Variants in HIKESHI observed in about 807,000 individuals in gnomAD.
HIKESHI encodes the protein protein Hikeshi.
HIKESHI carries 13 observed loss-of-function variants against 25.7 expected under a neutral mutation model. The observed-to-expected ratio is 0.51, with a 90% CI of 0.33 to 0.80. The LOEUF (loss-of-function observed/expected upper bound fraction) is 0.80, where lower values mean the gene tolerates loss of function less well. HIKESHI is among the 30% of genes least tolerant of loss of function. HIKESHI has a pLI of 0.02. For missense variants in HIKESHI, 174 were observed against 229.5 expected (o/e 0.76, Z 1.56); for synonymous variants, 76 against 78.7 (o/e 0.97, Z 0.18).
rs543167434 is a variant in HIKESHI at position 86,341,330 on chromosome 11, T to A, written c.421-3273T>A. Reference sequence around the variant, plus strand: ...TACAACGATTACATTTCTTTTCTTGTATAATTTTTCATTTTTCCTCATTTT... The same window carrying A: ...TACAACGATTACATTTCTTTTCTTGAATAATTTTTCATTTTTCCTCATTTT... On this transcript the variant is annotated intron_variant, in intron 3 of 4. Coordinates refer to ENST00000278483, the MANE Select transcript of HIKESHI (RefSeq NM_016401.4). 2.1e-3 allele frequency among the ~76,000 whole-genome samples: 276 copies of A among 131,924 alleles called. 1 individual carries two copies. Among genetic ancestry groups the A allele is most frequent in the African/African-American group, 7.6e-3 (271 of 35,426 alleles). The allele number at this position is 131,924 out of a possible 152,430, so 86.5% of individuals were successfully genotyped here.
intron 2 of HIKESHI, among the ~76,000 whole-genome samples, chr11:86,316,915 T>A (rs1383884286): frequency 6.7e-6 from 1 of 150,292 alleles, no homozygotes; most frequent in Non-Finnish European, 1.5e-5. Flanking sequence ...TGCATCAGCC[T>A]CCCGAGTACC....
chr11:86,302,574 A>G, intron 1 of HIKESHI, 96 bp downstream of exon 1: 1 of 1,414,508 alleles, frequency 7.1e-7, no homozygotes, highest in Non-Finnish European at 9.6e-7. Flanking sequence ...GATGCGGGGA[A>G]GCCCACTTAT....
intron 3 of HIKESHI, chr11:86,344,388 G>T: frequency 9.6e-6 from 4 of 417,984 alleles, no homozygotes; most frequent in Non-Finnish European, 1.7e-5. Flanking sequence ...GGCTGGTCTT[G>T]AATGCCTGGC....
chr11:86,328,450 G>C (rs1196108649), intron 2 of HIKESHI, among the ~76,000 whole-genome samples: 1 of 112,704 alleles, frequency 8.9e-6, no homozygotes, highest in African/African-American at 3.4e-5. Context: ...TTTTTTTTTT[G>C]AGACGGAGTC....
intron 2 of HIKESHI, among the ~76,000 whole-genome samples, chr11:86,322,153 A>T (rs762419696): frequency 1.3e-5 from 2 of 151,488 alleles, no homozygotes; most frequent in Non-Finnish European, 2.9e-5. Flanking sequence ...CACCCTGCTG[A>T]TTTTATATTT....
chr11:86,311,226 C>T (rs1292511623), intron 2 of HIKESHI, among the ~76,000 whole-genome samples: 2 of 152,086 alleles, frequency 1.3e-5, no homozygotes, highest in Non-Finnish European at 2.9e-5. Flanking sequence ...TAATTATTGC[C>T]TCAATTTCAG....
chr11:86,309,861 C>G (rs1234383873), intron 2 of HIKESHI, among the ~76,000 whole-genome samples: 7 of 151,962 alleles, frequency 4.6e-5, no homozygotes, highest in African/African-American at 1.2e-4. Context: ...TGTCAGGTTT[C>G]TCAAAGATCA....
intron 4 of HIKESHI, chr11:86,345,034 A>G (rs898157221): frequency 2.2e-5 from 17 of 758,698 alleles, no homozygotes; most frequent in African/African-American, 5.5e-5. Flanking sequence ...AGTAGTTTAT[A>G]CTGCACTGTG....
intron 2 of HIKESHI, among the ~76,000 whole-genome samples, chr11:86,316,141 G>A (rs1477045691): frequency 2.9e-5 from 4 of 140,068 alleles, no homozygotes; most frequent in African/African-American, 1.1e-4. Flanking sequence ...AAAAAAAAGT[G>A]CACCTTCCCT....
intron 2 of HIKESHI, among the ~76,000 whole-genome samples, chr11:86,313,515 A>G (rs1718395563): frequency 6.6e-6 from 1 of 152,262 alleles, no homozygotes; most frequent in African/African-American, 2.4e-5. Flanking sequence ...TACAGGCATG[A>G]AAATTCTTAA....
intron 1 of HIKESHI, chr11:86,303,421 T>C: frequency 1.0e-6 from 1 of 984,070 alleles, no homozygotes; most frequent in Non-Finnish European, 1.2e-6. Context: ...CTTGAATGAC[T>C]GGGAGACCCC....
intron 2 of HIKESHI, among the ~76,000 whole-genome samples, chr11:86,327,547 C>G (rs1258180204): frequency 6.6e-6 from 1 of 152,132 alleles, no homozygotes; most frequent in African/African-American, 2.4e-5. Context: ...ATCTCCTGAC[C>G]TCGTGATCCA....
intron 4 of HIKESHI, chr11:86,345,188 G>A (rs968737173): frequency 3.9e-6 from 4 of 1,016,124 alleles, no homozygotes; most frequent in Non-Finnish European, 4.7e-6. Context: ...GAGAGCATTG[G>A]AATGCACTAG....
At chr11:86,336,805 G>T (rs1170539321) in intron 2 of HIKESHI, among the ~76,000 whole-genome samples, 1 of 152,130 alleles carries the variant, frequency 6.6e-6, no homozygotes, top group Non-Finnish European at 1.5e-5. Flanking sequence ...AAAAGGTAAA[G>T]AGAGAATGTT....
At chr11:86,307,920 T>TATATAATATATAAAATATATATGTGTA (rs1946697870) in intron 2 of HIKESHI, among the ~76,000 whole-genome samples, 1 of 68,966 alleles carries the variant, frequency 1.4e-5, no homozygotes, top group African/African-American at 7.3e-5. Context: ...TTATGTGTAA[T>TATATAATATATAAAATATATATGTGTA]ATATAATATA....
In HIKESHI at chr11:86,302,597, G is replaced by A. The variant is rs1010655673; in HGVS notation, c.30+119G>A. Reference sequence around the variant, plus strand: ...GAAGCCCACTTATTATATTTTGGGTGGGTATGTGAGGATGGAGCGTGGGAA... The same window carrying A: ...GAAGCCCACTTATTATATTTTGGGTAGGTATGTGAGGATGGAGCGTGGGAA... On this transcript the variant is annotated intron_variant, in intron 1 of 4. Transcript: ENST00000278483. The A allele has an allele frequency of 5.3e-5, 63 of 1,181,280 alleles. No individual in the cohort carries two copies. The African/African-American group carries it at 8.3e-4, about 16-fold the overall frequency. 73.2% of individuals were successfully genotyped at this position (1,181,280 alleles called of 1,614,324 possible).
chr11:86,326,672 T>G, intron 2 of HIKESHI: 1 of 383,206 alleles, frequency 2.6e-6, no homozygotes, highest in Non-Finnish European at 5.2e-6. Context: ...GAACTTGAAA[T>G]ATGAGTAAGA....
chr11:86,302,425 C>G lies in HIKESHI; in HGVS notation c.-24C>G. Reference sequence around the variant, plus strand: ...CTAGTCGCCGGCTTCAGGTCACTGCCGGCTGAACGGAGCTGCCGTCGCCAT... The same window carrying G: ...CTAGTCGCCGGCTTCAGGTCACTGCGGGCTGAACGGAGCTGCCGTCGCCAT... On this transcript the variant is annotated 5_prime_UTR_variant, in exon 1 of 5. Coordinates refer to ENST00000278483, the MANE Select transcript of HIKESHI (RefSeq NM_016401.4). The G allele has an allele frequency of 2.6e-6, 4 of 1,551,992 alleles. No homozygotes were observed. The highest frequency in any genetic ancestry group is 2.4e-5 in the South Asian group (2 of 84,090).
At chr11:86,316,323 C>A (rs1047450718) in intron 2 of HIKESHI, among the ~76,000 whole-genome samples, 2 of 150,890 alleles carry the variant, frequency 1.3e-5, no homozygotes, top group African/African-American at 2.4e-5. Context: ...ACCAGCCTGG[C>A]CAACATTGTA....
Sources: gnomAD v4.1 joint callset for allele counts (sites outside exome capture counted in the v4.1 genomes callset) on GRCh38, gnomAD v4.1.1 for gene constraint, MANE v1.5 for transcripts, NCBI Gene and HGNC (gene_info 2026-07-23, HGNC 2026-07-21) for gene names.